The following FDX1 variants were observed in gnomAD, a reference collection of about 807,000 sequenced individuals.
FDX1 encodes the protein adrenodoxin, mitochondrial.
FDX1 carries 9 observed loss-of-function variants against 14.9 expected under a neutral mutation model. The ratio of observed to expected loss-of-function variants is 0.60; its 90% CI spans 0.36 to 1.05. The LOEUF is 1.05. Among genes scored for constraint, FDX1 ranks in the 50% least tolerant of loss-of-function variants. The pLI is 0.01. For missense variants in FDX1, 204 were observed against 237.2 expected, an observed-to-expected ratio of 0.86 and a Z score of 0.92; for synonymous variants, 92 against 99.4, an observed-to-expected ratio of 0.93 and a Z score of 0.44.
intron 1 of FDX1, 103 bp downstream of exon 1, chr11:110,430,408 C>G: frequency 1.3e-6 from 1 of 786,104 alleles, no homozygotes; most frequent in Non-Finnish European, 1.7e-6. Context: ...CTTCTGCGCG[C>G]CGGGCCCACA....
chr11:110,429,376 T>G (rs1440709718), upstream of FDX1, among the ~76,000 whole-genome samples: 1 of 152,096 alleles, frequency 6.6e-6, no homozygotes, highest in Admixed American at 6.5e-5. Context: ...GTTCATCTTT[T>G]CTGTTTTTTG....
chr11:110,434,359 CAG>C (rs1351589145), intron 1 of FDX1, among the ~76,000 whole-genome samples: 13 of 89,840 alleles, frequency 1.4e-4, no homozygotes, highest in African/African-American at 2.2e-4. Context: ...TTTTTGGAGA[CAG>C]AGTTTCACTC....
intron 2 of FDX1, among the ~76,000 whole-genome samples, chr11:110,448,032 T>A (rs1946462887): frequency 6.6e-6 from 1 of 152,244 alleles, no homozygotes; most frequent in Admixed American, 6.5e-5. Context: ...ATAAACATTC[T>A]CATTGCCAAC....
rs1591244362 is a variant in FDX1, at chr11:110,430,019, C to T, written c.-102C>T. The T allele has an allele frequency of 2.3e-6, 2 of 852,554 alleles. No individual in the cohort carries two copies. The highest frequency in any genetic ancestry group is 7.7e-5 in the East Asian group (2 of 25,858). The allele number at this position is 852,554 out of a possible 1,614,324, so 52.8% of individuals were successfully genotyped here. The stretch of plus-strand genomic sequence containing the variant: ...CCAGCCCCGCGCCCCTCGCCGCGGC[C>T]CTCGGGCGTCTGCGCCGCAGCTGCC... On this transcript the variant is annotated 5_prime_UTR_variant, in exon 1 of 4. Coordinates refer to ENST00000260270, the MANE Select transcript of FDX1 (RefSeq NM_004109.5).
intron 1 of FDX1, among the ~76,000 whole-genome samples, chr11:110,430,939 C>T (rs926145369): frequency 2.6e-5 from 4 of 152,222 alleles, no homozygotes; most frequent in Non-Finnish European, 4.4e-5. Context: ...GTCTGACGTG[C>T]CTAACTTGGT....
chr11:110,440,649 T>G (rs1292320753), intron 2 of FDX1, among the ~76,000 whole-genome samples: 1 of 152,196 alleles, frequency 6.6e-6, no homozygotes, highest in African/African-American at 2.4e-5. Flanking sequence ...TTAACTAAAC[T>G]TTCATTTAGT....
At chr11:110,443,039 G>A (rs769546835) in intron 2 of FDX1, among the ~76,000 whole-genome samples, 35 of 152,266 alleles carry the variant, frequency 2.3e-4, no homozygotes, top group African/African-American at 5.5e-4. Context: ...CTTGTTCCTC[G>A]TTGCCTTCTG....
chr11:110,452,241 A>C (rs987154614), intron 2 of FDX1, among the ~76,000 whole-genome samples: 1 of 151,998 alleles, frequency 6.6e-6, no homozygotes, highest in Non-Finnish European at 1.5e-5. Flanking sequence ...AATAAATTAG[A>C]GTTCATCAAA....
intron 2 of FDX1, among the ~76,000 whole-genome samples, chr11:110,441,837 A>G (rs1327912137): frequency 6.6e-6 from 1 of 152,234 alleles, no homozygotes; most frequent in Non-Finnish European, 1.5e-5. Flanking sequence ...TCTCCAGGGC[A>G]TGTCAGAGAT....
chr11:110,462,184 C>T (rs992692139), intron 3 of FDX1, among the ~76,000 whole-genome samples, 170 bp from the exon 4 acceptor site: 1 of 152,138 alleles, frequency 6.6e-6, no homozygotes, highest in Non-Finnish European at 1.5e-5. Flanking sequence ...TTGTTATTCT[C>T]TAGTTGATAG....
At chr11:110,437,439 C>T (rs973130250) in intron 2 of FDX1, among the ~76,000 whole-genome samples, 8 of 152,052 alleles carry the variant, frequency 5.3e-5, no homozygotes, top group Admixed American at 5.2e-4. Flanking sequence ...ACTTGAGTCT[C>T]ATGGAAATTA....
At chr11:110,461,990 T>C (rs1032036334) in intron 3 of FDX1, among the ~76,000 whole-genome samples, 1 of 152,266 alleles carries the variant, frequency 6.6e-6, no homozygotes, top group Admixed American at 6.5e-5. Context: ...TAGGAATTGA[T>C]TAATCATTTT....
At chr11:110,456,509 CTTTTTTTTTTTTTT>C (rs11463993) in intron 2 of FDX1, among the ~76,000 whole-genome samples, 1 of 83,804 alleles carries the variant, frequency 1.2e-5, no homozygotes, top group Non-Finnish European at 2.2e-5. Flanking sequence ...TTTATGTATT[CTTTTTTTTTTTTTT>C]TTTTTTTTTG....
chr11:110,450,828 A>G (rs1213750790), intron 2 of FDX1, among the ~76,000 whole-genome samples: 1 of 152,192 alleles, frequency 6.6e-6, no homozygotes, highest in African/African-American at 2.4e-5. Context: ...ATGTACATAC[A>G]TGTATACACA....
chr11:110,457,170 C>A, intron 3 of FDX1, 123 bp downstream of exon 3: 1 of 814,418 alleles, frequency 1.2e-6, no homozygotes, highest in Admixed American at 2.6e-5. Context: ...ATAACAGTCA[C>A]AGATTTTGAG....
intron 2 of FDX1, 90 bp downstream of exon 2, chr11:110,436,048 C>A: frequency 9.2e-7 from 1 of 1,084,504 alleles, no homozygotes. Flanking sequence ...AGAAGTTTAA[C>A]CTATAGCATG....
intron 2 of FDX1, among the ~76,000 whole-genome samples, chr11:110,446,008 T>C (rs1183140310): frequency 6.6e-6 from 1 of 152,162 alleles, no homozygotes; most frequent in Non-Finnish European, 1.5e-5. Context: ...AATGTAAATT[T>C]AAAAATTCTG....
intron 2 of FDX1, among the ~76,000 whole-genome samples, chr11:110,455,528 A>T (rs1946516421): frequency 6.6e-6 from 1 of 152,240 alleles, no homozygotes; most frequent in African/African-American, 2.4e-5. Flanking sequence ...GGCTTTAAAA[A>T]AACTGTAAAA....
intron 2 of FDX1, 43 bp from the exon 3 acceptor site, chr11:110,456,875 T>G: frequency 2.6e-6 from 4 of 1,565,664 alleles, no homozygotes; most frequent in East Asian, 2.3e-5. Context: ...ATGAATCGTC[T>G]GATGTAGAAG....
Sources: allele counts gnomAD v4.1 joint callset (sites outside exome capture counted in the v4.1 genomes callset), GRCh38; gene constraint gnomAD v4.1.1; transcripts MANE v1.5; gene names NCBI Gene and HGNC (gene_info 2026-07-23, HGNC 2026-07-21).